Variants in SHLD1 observed in about 807,000 individuals in gnomAD.
SHLD1 encodes the protein RINN1-REV7-interacting novel NHEJ regulator 3.
A neutral mutation model predicts 5.5 loss-of-function variants in SHLD1; 3 were observed. The observed-to-expected ratio is 0.54, with a 90% CI of 0.25 to 1.40. The LOEUF is 1.40. SHLD1 is among the 40% of genes most tolerant of loss of function. The pLI is 0.15. For missense variants in SHLD1, 210 were observed against 244.4 expected, an observed-to-expected ratio of 0.86 and a Z score of 0.94; for synonymous variants, 92 against 94.3, an observed-to-expected ratio of 0.98 and a Z score of 0.14.
At chr20:5,783,856 G>A (rs1016678959) in intron 2 of SHLD1, among the ~76,000 whole-genome samples, 7 of 151,844 alleles carry the variant, frequency 4.6e-5, no homozygotes, top group Admixed American at 1.3e-4. Context: ...GGAGGAGTTC[G>A]AAAACCACTA....
chr20:5,847,927 C>T (rs1046448166), intron 2 of SHLD1, among the ~76,000 whole-genome samples: 5 of 152,046 alleles, frequency 3.3e-5, no homozygotes, highest in South Asian at 2.1e-4. Context: ...GTGCACAAGG[C>T]GGTATTTATC....
intron 2 of SHLD1, among the ~76,000 whole-genome samples, chr20:5,856,811 G>T (rs1241983417): frequency 1.3e-5 from 2 of 152,142 alleles, no homozygotes. Flanking sequence ...AACTGATAAT[G>T]CCAACACTTG....
chr20:5,775,907 G>A (rs746216006), intron 2 of SHLD1, among the ~76,000 whole-genome samples: 20 of 140,484 alleles, frequency 1.4e-4, no homozygotes, highest in Middle Eastern at 7.8e-3. Context: ...CTGCAGTACT[G>A]CCTGGTCAGC....
chr20:5,794,199 T>C (rs2087179946), intron 2 of SHLD1, among the ~76,000 whole-genome samples: 1 of 152,214 alleles, frequency 6.6e-6, no homozygotes, highest in South Asian at 2.1e-4. Context: ...TTTCCTCATC[T>C]ATAAGATGAG....
At chr20:5,850,202 T>C (rs954512429) in intron 2 of SHLD1, among the ~76,000 whole-genome samples, 2 of 151,034 alleles carry the variant, frequency 1.3e-5, no homozygotes, top group Non-Finnish European at 2.9e-5. Flanking sequence ...AACTTTCCAG[T>C]CACTCTATTG....
chr20:5,853,893 TG>T (rs1237809422), intron 2 of SHLD1, among the ~76,000 whole-genome samples: 16 of 151,102 alleles, frequency 1.1e-4, no homozygotes, highest in Non-Finnish European at 2.2e-4. Context: ...TAGGCTGGAG[TG>T]CATGATGTGA....
intron 2 of SHLD1, among the ~76,000 whole-genome samples, chr20:5,844,785 A>ATTTTTTTTTTTTTTT (rs1451016272): frequency 9.8e-6 from 1 of 102,406 alleles, no homozygotes; most frequent in Non-Finnish European, 1.8e-5. Context: ...ATATATATAT[A>ATTTTTTTTTTTTTTT]TATATATATA....
At chr20:5,813,190 T>A (rs1016248060) in intron 2 of SHLD1, among the ~76,000 whole-genome samples, 3 of 152,046 alleles carry the variant, frequency 2.0e-5, no homozygotes, top group Non-Finnish European at 4.4e-5. Flanking sequence ...AAGGGCTTTT[T>A]AAATTCTAGT....
chr20:5,750,783 CT>C (rs1220354622), intron 1 of SHLD1, among the ~76,000 whole-genome samples: 4 of 152,008 alleles, frequency 2.6e-5, no homozygotes, highest in African/African-American at 9.7e-5. Flanking sequence ...AAAAAAACAG[CT>C]TTCTTGGGAA....
intron 1 of SHLD1, 29 bp downstream of exon 1, chr20:5,750,508 T>TGGGGG (rs1600076697): frequency 4.3e-5 from 1 of 23,274 alleles, no homozygotes; most frequent in African/African-American, 2.0e-4. Context: ...GGGGGGGGGT[T>TGGGGG]GGAGTGGTGG....
rs1380210826 is a variant in SHLD1 at position 5,844,786 on chromosome 20, TATATATA to T, written c.179-18237_179-18231del. ...TGTAGTAGACATATATATATATATA[TATATATA>T]TATATATTTTTTTTTTTTTGAGACA... On this transcript the variant is annotated intron_variant, in intron 2 of 2. Coordinates refer to ENST00000303142, the MANE Select transcript of SHLD1 (RefSeq NM_152504.4). 4.0e-4 allele frequency among the ~76,000 whole-genome samples: 42 copies of T among 104,432 alleles called. No individual in the cohort carries two copies. The East Asian group carries it at 4.2e-3, about 10-fold the overall frequency. 68.5% of individuals were successfully genotyped at this position (104,432 alleles called of 152,430 possible).
intron 2 of SHLD1, among the ~76,000 whole-genome samples, chr20:5,809,274 A>G (rs1239164367): frequency 6.6e-6 from 1 of 152,174 alleles, no homozygotes; most frequent in African/African-American, 2.4e-5. Context: ...TGAAACAAAT[A>G]CTAACTATGG....
rs528572977 is a variant in SHLD1 at position 5,751,132 on chromosome 20, C to T, written c.-5+653C>T. 4.6e-5 allele frequency among the ~76,000 whole-genome samples: 7 copies of T among 152,300 alleles called. No individual in the cohort carries two copies. The South Asian group carries it at 1.2e-3, about 27-fold the overall frequency. On this transcript the variant is annotated intron_variant, in intron 1 of 2. Coordinates refer to ENST00000303142, the MANE Select transcript of SHLD1 (RefSeq NM_152504.4). ...AATCCTGCCTCCAGTAGCAGTCATT[C>T]TACATTCACCACGTCCACTCCGCCT...
chr20:5,800,045 G>A (rs1226516105), intron 2 of SHLD1, among the ~76,000 whole-genome samples: 3 of 152,116 alleles, frequency 2.0e-5, no homozygotes, highest in Non-Finnish European at 4.4e-5. Context: ...GGGGTATTTG[G>A]CAATGTCTGG....
intron 2 of SHLD1, among the ~76,000 whole-genome samples, chr20:5,789,376 A>G (rs891585576): frequency 2.9e-4 from 44 of 152,156 alleles, no homozygotes; most frequent in African/African-American, 1.1e-3. Context: ...CAAGAGTTTG[A>G]GACCAGCCTG....
intron 1 of SHLD1, among the ~76,000 whole-genome samples, chr20:5,762,629 A>T (rs1984529106): frequency 1.3e-5 from 2 of 152,100 alleles, no homozygotes; most frequent in African/African-American, 4.8e-5. Flanking sequence ...TGGGGGAGGC[A>T]CTTGTCATTT....
intron 1 of SHLD1, among the ~76,000 whole-genome samples, chr20:5,751,298 T>C (rs1403287258): frequency 6.6e-6 from 1 of 151,994 alleles, no homozygotes; most frequent in African/African-American, 2.4e-5. Flanking sequence ...GCTTCTTTCA[T>C]GACTTTTGTT....
In SHLD1 at chr20:5,863,106, A is replaced by G. The variant is rs1213491415; in HGVS notation, c.261A>G (p.Ser87=). ...FWLDPAVKGQ[S]EKEEDDGLRK... ...TTGACCCTGCTGTGAAAGGCCAGTCAGAGAAGGAAGAGGATGATGGCCTTC... is the reference window on the plus strand; with the variant it reads ...TTGACCCTGCTGTGAAAGGCCAGTCGGAGAAGGAAGAGGATGATGGCCTTC... The change falls in exon 3 of 3, where the codon TCA becomes TCG. Residue 87 remains serine, a synonymous_variant. Transcript: ENST00000303142. The G allele has an allele frequency of 1.2e-6, 2 of 1,614,198 alleles. No homozygotes were observed. The highest frequency in any genetic ancestry group is 2.2e-5 in the East Asian group (1 of 44,878).
intron 2 of SHLD1, among the ~76,000 whole-genome samples, chr20:5,856,402 G>C (rs898835535): frequency 6.6e-6 from 1 of 152,194 alleles, no homozygotes; most frequent in African/African-American, 2.4e-5. Flanking sequence ...ACTGAATCTT[G>C]TTCACCCAAT....
Sources: allele counts gnomAD v4.1 joint callset (sites outside exome capture counted in the v4.1 genomes callset), GRCh38; gene constraint gnomAD v4.1.1; transcripts MANE v1.5; gene names NCBI Gene and HGNC (gene_info 2026-07-23, HGNC 2026-07-21).